GNRH1: variants seen among roughly 807,000 people sequenced by gnomAD.
GNRH1 encodes progonadoliberin-1.
In GNRH1, 9 loss-of-function variants were observed where a neutral mutation model predicts 13.6. The ratio of observed to expected loss-of-function variants is 0.66; its 90% confidence interval spans 0.40 to 1.15. GNRH1 has a LOEUF of 1.15. GNRH1 is among the 50% of genes most tolerant of loss of function. The pLI, the probability that GNRH1 is intolerant of heterozygous loss-of-function variation, is 0.01. For missense variants in GNRH1, 116 were observed against 110.8 expected, an observed-to-expected ratio of 1.05 and a Z score of -0.21; for synonymous variants, 44 against 40.1, an observed-to-expected ratio of 1.10 and a Z score of -0.37.
In GNRH1 at chr8:25,419,286, G is replaced by A. The variant is rs1305162361; in HGVS notation, c.*133C>T. 1.4e-6 allele frequency: 1 copy of A among 722,422 alleles called. No individual in the cohort carries two copies. Among genetic ancestry groups the A allele is most frequent in the East Asian group, 2.6e-5 (1 of 38,834 alleles). The allele number at this position is 722,422 out of a possible 1,614,324, so 44.8% of individuals were successfully genotyped here. On this transcript the variant is annotated 3_prime_UTR_variant, in exon 4 of 4. Coordinates refer to ENST00000421054, the MANE Select transcript of GNRH1 (RefSeq NM_001083111.2). ...ATTCACAACACAGCACTTTATTATG[G>A]AATATGTGCAACTTGGTGTAAGGAT...
intron 3 of GNRH1, among the ~76,000 whole-genome samples, chr8:25,420,496 GATTT>G (rs1361043417): frequency 6.6e-6 from 1 of 152,154 alleles, no homozygotes; most frequent in East Asian, 1.9e-4. Flanking sequence ...TTTTATATAT[GATTT>G]ATTTGGGCTT....
At chr8:25,424,713 G>T (rs1801820107), upstream of GNRH1, 1 of 152,108 alleles carries the variant, frequency 6.6e-6, no homozygotes, top group South Asian at 2.1e-4. Flanking sequence ...TAAAAGGAAG[G>T]GTGTAGACTA....
In GNRH1 at chr8:25,419,405, C is replaced by G. The variant is rs1801743680; in HGVS notation, c.*14G>C. 1 of 1,406,306 alleles carries G rather than the reference C, an allele frequency of 7.1e-7. No individual in the cohort carries two copies. The highest frequency in any genetic ancestry group is 1.0e-6 in the Non-Finnish European group (1 of 990,514). 87.1% of individuals were successfully genotyped at this position (1,406,306 alleles called of 1,614,324 possible). A position where few individuals can be genotyped will look rare whatever the true frequency, so the allele number is the denominator to read the frequency against. ...GTCATGTTAGTAATGGTCATTCCTT[C>G]TGGCCCAATGGATTTAAATCTTCTT... is the stretch of plus-strand genomic sequence containing the variant. On this transcript the variant is annotated 3_prime_UTR_variant, in exon 4 of 4. Transcript: ENST00000421054.
chr8:25,420,965 A>T (rs1311013433), intron 3 of GNRH1, among the ~76,000 whole-genome samples: 1 of 152,148 alleles, frequency 6.6e-6, no homozygotes, highest in Non-Finnish European at 1.5e-5. Context: ...AAAACCTAAT[A>T]TGATTAGTGT....
At chr8:25,421,093 A>G (rs1034765716) in intron 3 of GNRH1, among the ~76,000 whole-genome samples, 1 of 152,034 alleles carries the variant, frequency 6.6e-6, no homozygotes, top group Non-Finnish European at 1.5e-5. Flanking sequence ...CATTCCAAAG[A>G]AGAGAAAAAA....
intron 2 of GNRH1, among the ~76,000 whole-genome samples, chr8:25,422,941 C>CA (rs1289603080): frequency 1.3e-5 from 2 of 152,200 alleles, no homozygotes; most frequent in Admixed American, 6.5e-5. Flanking sequence ...CCCATACACT[C>CA]AGAGTATGAC....
chr8:25,421,895 T>C (rs1248374966), intron 2 of GNRH1, among the ~76,000 whole-genome samples: 1 of 151,826 alleles, frequency 6.6e-6, no homozygotes, highest in Middle Eastern at 3.2e-3. Flanking sequence ...TAAGAAGATA[T>C]CATATTTTCC....
intron 3 of GNRH1, among the ~76,000 whole-genome samples, chr8:25,420,437 T>C (rs749986750): frequency 2.5e-4 from 33 of 132,808 alleles, no homozygotes; most frequent in Non-Finnish European, 3.6e-4. Context: ...CTTTGTTCTG[T>C]GGGTATATTA....
chr8:25,419,963 T>C (rs1255519715), intron 3 of GNRH1, among the ~76,000 whole-genome samples: 6 of 152,052 alleles, frequency 3.9e-5, no homozygotes, highest in Admixed American at 3.9e-4. Context: ...AAAATCTACA[T>C]TAATAGTTTA....
chr8:25,421,750 GAGT>G, intron 2 of GNRH1, 82 bp from the exon 3 acceptor site: 1 of 596,804 alleles, frequency 1.7e-6, no homozygotes. Context: ...AAATTGTGGA[GAGT>G]GGGGTCAAGG....
chr8:25,421,618 G>T lies in GNRH1; in HGVS notation c.192C>A (p.Thr64=). ...QLAETQRFEC[T]THQPRSPLRD... is the part of the protein sequence containing the mutation. ...GGAGGGGAGAACGTGGCTGGTGCGT[G>T]GTGCATTCGAAGCGTTGGGTTTCTG... Residue 64 remains threonine (T), a synonymous_variant, in exon 3 of 4, where the codon ACC becomes ACA. Transcript: ENST00000421054. 1 of 1,606,506 alleles carries T rather than the reference G, an allele frequency of 6.2e-7. No homozygotes were observed. Among genetic ancestry groups the T allele is most frequent in the Non-Finnish European group, 8.5e-7 (1 of 1,174,956 alleles).
upstream of GNRH1, chr8:25,424,432 C>G (rs547911192): frequency 2.0e-5 from 3 of 151,872 alleles, no homozygotes; most frequent in African/African-American, 7.3e-5. Context: ...GGAACACCCC[C>G]TGGTATATCT....
At chr8:25,422,531 C>T (rs1801786987) in intron 2 of GNRH1, among the ~76,000 whole-genome samples, 1 of 152,166 alleles carries the variant, frequency 6.6e-6, no homozygotes, top group Admixed American at 6.5e-5. Context: ...CTAGATAACA[C>T]AGCGAGACCC....
chr8:25,419,309 G>A lies in GNRH1; in HGVS notation c.*110C>T. ...TGGAATATGTGCAACTTGGTGTAAG[G>A]ATTTCTGAAATTCATACCATTTACA... On this transcript the variant is annotated 3_prime_UTR_variant, in exon 4 of 4. Transcript: ENST00000421054. The A allele has an allele frequency of 1.3e-6, 1 of 765,812 alleles. No individual in the cohort carries two copies. Among genetic ancestry groups the A allele is most frequent in the Non-Finnish European group, 2.4e-6 (1 of 413,222 alleles). 47.4% of individuals were successfully genotyped at this position (765,812 alleles called of 1,614,324 possible).
rs772582130 is a variant in GNRH1 at position 25,423,290 on chromosome 8, A to G, written c.41T>C (p.Leu14Pro). 2 of 1,611,880 alleles carry G rather than the reference A, an allele frequency of 1.2e-6. No homozygotes were observed. The highest frequency in any genetic ancestry group is 1.1e-5 in the South Asian group (1 of 91,044). The change falls in exon 2 of 4, where the codon CTG (leucine) becomes CCG (proline). Residue 14 changes from leucine to proline, a missense_variant. Transcript: ENST00000421054. Reference sequence around the variant, plus strand: ...GGAGCAGCCTTCCACGCACCAAGTCAGTAGAATAAGGCCAGCTAGGAGTTT... The same window carrying G: ...GGAGCAGCCTTCCACGCACCAAGTCGGTAGAATAAGGCCAGCTAGGAGTTT... The part of the protein sequence containing the change: ...IQKLLAGLIL[L>P]TWCVEGCSSQ...
rs1346157055 is a variant in GNRH1, at chr8:25,419,298, C to G, written c.*121G>C. ...GCACTTTATTATGGAATATGTGCAA[C>G]TTGGTGTAAGGATTTCTGAAATTCA... On this transcript the variant is annotated 3_prime_UTR_variant, in exon 4 of 4. Coordinates refer to ENST00000421054, the MANE Select transcript of GNRH1 (RefSeq NM_001083111.2). 1 of 745,654 alleles carries G rather than the reference C, an allele frequency of 1.3e-6. No individual in the cohort carries two copies. Among genetic ancestry groups the G allele is most frequent in the Non-Finnish European group, 2.5e-6 (1 of 401,292 alleles). The allele number at this position is 745,654 out of a possible 1,614,324, so 46.2% of individuals were successfully genotyped here. A position where few individuals can be genotyped will look rare whatever the true frequency, so the allele number is the denominator to read the frequency against.
chr8:25,424,431 C>T (rs1166056797), upstream of GNRH1: 1 of 151,852 alleles, frequency 6.6e-6, no homozygotes, highest in African/African-American at 2.4e-5. Flanking sequence ...TGGAACACCC[C>T]CTGGTATATC....
upstream of GNRH1, among the ~76,000 whole-genome samples, chr8:25,424,940 A>G (rs1412337498): frequency 6.6e-6 from 1 of 152,216 alleles, no homozygotes; most frequent in Non-Finnish European, 1.5e-5. Flanking sequence ...GACCATATTG[A>G]GCAGACTTAC....
rs747811370 is a variant in GNRH1 at position 25,419,433 on chromosome 8, G to A, written c.265C>T (p.Gln89Ter). The change falls in exon 4 of 4, where the codon CAG becomes TAG. Residue 89 changes from glutamine (Q) to a stop codon, truncating the protein, a stop_gained. Coordinates refer to ENST00000421054, the MANE Select transcript of GNRH1 (RefSeq NM_001083111.2). LOFTEE classifies it high-confidence loss of function. ...GCCCAATGGATTTAAATCTTCTTCT[G>A]CCCAGTTTCCTCTTCAATCAGACTT... ...LESLIEEETG[Q>*]KKI 2.7e-6 allele frequency: 4 copies of A among 1,486,554 alleles called. No individual in the cohort carries two copies. The highest frequency in any genetic ancestry group is 3.8e-6 in the Non-Finnish European group (4 of 1,063,934). The allele number at this position is 1,486,554 out of a possible 1,614,324, so 92.1% of individuals were successfully genotyped here.
Sources: gnomAD v4.1 joint callset for allele counts (sites outside exome capture counted in the v4.1 genomes callset) on GRCh38, gnomAD v4.1.1 for gene constraint, MANE v1.5 for transcripts, NCBI Gene and HGNC (gene_info 2026-07-23, HGNC 2026-07-21) for gene names.